The following EXOC6B variants were observed in gnomAD, a reference collection of about 807,000 sequenced individuals.
EXOC6B encodes SEC15 homolog B.
In EXOC6B, 54 loss-of-function variants were observed where a neutral mutation model predicts 113.5. The observed-to-expected ratio is 0.48, with a 90% CI of 0.38 to 0.60. The LOEUF (loss-of-function observed/expected upper bound fraction) is 0.60, where lower values mean the gene tolerates loss of function less well. Among genes scored for constraint, EXOC6B ranks in the 20% least tolerant of loss-of-function variants. The pLI is 0.00. For synonymous variants in EXOC6B, 357 were observed against 339.0 expected, an observed-to-expected ratio of 1.05 and a Z score of -0.58; for missense variants, 797 against 977.5, an observed-to-expected ratio of 0.82 and a Z score of 2.46.
intron 20 of EXOC6B, among the ~76,000 whole-genome samples, chr2:72,291,346 G>A (rs1685775677): frequency 6.6e-6 from 1 of 152,154 alleles, no homozygotes; most frequent in Non-Finnish European, 1.5e-5. Flanking sequence ...GCTATTAAAA[G>A]GCTGCCATGT....
intron 6 of EXOC6B, among the ~76,000 whole-genome samples, chr2:72,606,723 G>A (rs1348547802): frequency 1.3e-5 from 2 of 151,304 alleles, no homozygotes; most frequent in African/African-American, 4.9e-5. Context: ...CCACCTCCCA[G>A]GTTCAAGAGG....
intron 20 of EXOC6B, among the ~76,000 whole-genome samples, chr2:72,242,724 T>C (rs1275391515): frequency 6.6e-6 from 1 of 152,160 alleles, no homozygotes; most frequent in Non-Finnish European, 1.5e-5. Flanking sequence ...CCCAATTATA[T>C]GTTATATATA....
intron 20 of EXOC6B, among the ~76,000 whole-genome samples, chr2:72,237,762 T>C (rs1173350093): frequency 6.6e-6 from 1 of 152,158 alleles, no homozygotes; most frequent in Non-Finnish European, 1.5e-5. Context: ...CAGCAGAGGC[T>C]ATAAACTGAG....
chr2:72,315,483 C>A (rs1687463532), intron 20 of EXOC6B, among the ~76,000 whole-genome samples: 1 of 152,090 alleles, frequency 6.6e-6, no homozygotes, highest in Middle Eastern at 3.2e-3. Context: ...TTAACTTTTT[C>A]ATGCCTTTAT....
chr2:72,731,953 T>G (rs577538026), intron 3 of EXOC6B, among the ~76,000 whole-genome samples: 30 of 152,310 alleles, frequency 2.0e-4, no homozygotes, highest in African/African-American at 7.2e-4. Flanking sequence ...AAACCTGGGT[T>G]TTAGTCCCAG....
chr2:72,222,879 C>G (rs1435536441), intron 20 of EXOC6B, among the ~76,000 whole-genome samples: 2 of 152,122 alleles, frequency 1.3e-5, no homozygotes, highest in Non-Finnish European at 2.9e-5. Context: ...GTAACTAAAG[C>G]AATAAGGTGA....
intron 1 of EXOC6B, among the ~76,000 whole-genome samples, chr2:72,753,317 T>C (rs1682183205): frequency 6.6e-6 from 1 of 151,974 alleles, no homozygotes; most frequent in Admixed American, 6.6e-5. Context: ...ACCATCTCAA[T>C]TGAAGATAAC....
intron 1 of EXOC6B, among the ~76,000 whole-genome samples, chr2:72,803,678 C>T (rs1202535742): frequency 6.6e-6 from 1 of 152,134 alleles, no homozygotes; most frequent in Non-Finnish European, 1.5e-5. Context: ...ATTATTGCAT[C>T]TATAAATGCA....
At chr2:72,270,372 A>G (rs1166678170) in intron 20 of EXOC6B, among the ~76,000 whole-genome samples, 1 of 152,160 alleles carries the variant, frequency 6.6e-6, no homozygotes, top group Non-Finnish European at 1.5e-5. Flanking sequence ...AGTTTTCCTA[A>G]AATATCTGTC....
chr2:72,318,217 A>C (rs1020733485), intron 20 of EXOC6B, among the ~76,000 whole-genome samples: 7 of 152,176 alleles, frequency 4.6e-5, no homozygotes, highest in African/African-American at 1.7e-4. Context: ...AAAAATTAAA[A>C]ACCGAAATAA....
intron 11 of EXOC6B, among the ~76,000 whole-genome samples, chr2:72,502,455 C>T (rs546882823): frequency 2.0e-5 from 3 of 152,128 alleles, no homozygotes; most frequent in South Asian, 4.1e-4. Flanking sequence ...GGCTGAGGCA[C>T]GAGAATTGCT....
chr2:72,730,579 G>GAGACACAC (rs548133642), intron 5 of EXOC6B, among the ~76,000 whole-genome samples: 2 of 144,456 alleles, frequency 1.4e-5, no homozygotes, highest in African/African-American at 5.3e-5. Flanking sequence ...AACAGACAGA[G>GAGACACAC]ACACACACAC....
rs1290760055 is a variant in EXOC6B at position 72,631,426 on chromosome 2, G to GTGTATATATATATATATATATATATA, written c.670-55759_670-55758insTATATATATATATATATATATATACA. Among the ~76,000 whole-genome samples, 2 of 28,164 alleles carry GTGTATATATATATATATATATATATA rather than the reference G, an allele frequency of 7.1e-5. 1 individual carries two copies. Among genetic ancestry groups the GTGTATATATATATATATATATATATA allele is most frequent in the African/African-American group, 2.3e-4 (2 of 8,656 alleles). The allele number at this position is 28,164 out of a possible 152,430, so 18.5% of individuals were successfully genotyped here. ...TGTATATGTGTGTGTGTGTGTGTGT[G>GTGTATATATATATATATATATATATA]TATATATATATATATATATATATAT... On this transcript the variant is annotated intron_variant, in intron 6 of 21. Transcript: ENST00000272427.
chr2:72,679,797 G>C (rs1367704354), intron 6 of EXOC6B, among the ~76,000 whole-genome samples: 2 of 152,158 alleles, frequency 1.3e-5, no homozygotes, highest in Admixed American at 1.3e-4. Context: ...ACAATGCTTG[G>C]CTGGAAACAA....
chr2:72,772,801 G>T (rs559337257), intron 1 of EXOC6B, among the ~76,000 whole-genome samples: 1 of 152,236 alleles, frequency 6.6e-6, no homozygotes, highest in African/African-American at 2.4e-5. Flanking sequence ...GCCAAAGCCA[G>T]CCTGTAAAGA....
At chr2:72,338,822 G>T (rs1056849876) in intron 19 of EXOC6B, among the ~76,000 whole-genome samples, 3 of 151,618 alleles carry the variant, frequency 2.0e-5, no homozygotes, top group Admixed American at 6.6e-5. Context: ...AGGTTATGAG[G>T]GTGTTTTTTT....
chr2:72,207,708 T>TTTGAATGGA (rs1259846681), intron 20 of EXOC6B, among the ~76,000 whole-genome samples: 1 of 152,206 alleles, frequency 6.6e-6, no homozygotes, highest in African/African-American at 2.4e-5. Flanking sequence ...ATGGAAGTAT[T>TTTGAATGGA]AGATGTTTTG....
At chr2:72,543,069 A>G (rs141814075) in intron 8 of EXOC6B, among the ~76,000 whole-genome samples, 318 of 152,258 alleles carry the variant, frequency 2.1e-3, no homozygotes, top group African/African-American at 7.1e-3. Context: ...GAAGAAAGAA[A>G]ATGAGAAGTA....
intron 6 of EXOC6B, among the ~76,000 whole-genome samples, chr2:72,603,653 G>C (rs569918807): frequency 6.6e-6 from 1 of 152,180 alleles, no homozygotes; most frequent in South Asian, 2.1e-4. Flanking sequence ...GTACCTATCT[G>C]CTGGTAAGAA....
Sources: gnomAD v4.1 joint callset for allele counts (sites outside exome capture counted in the v4.1 genomes callset) on GRCh38, gnomAD v4.1.1 for gene constraint, MANE v1.5 for transcripts, NCBI Gene and HGNC (gene_info 2026-07-23, HGNC 2026-07-21) for gene names.